Variants in ARL11 observed in about 807,000 individuals in gnomAD.
The protein encoded by ARL11 is ARF like GTPase 11, also known as ADP-ribosylation factor-like protein 11.
For missense variants in ARL11, 239 were observed against 250.6 expected (o/e 0.95, Z 0.31); for synonymous variants, 91 against 111.2 (o/e 0.82, Z 1.15).
At chr13:49,629,991 T>A (rs779422465) in intron 1 of ARL11, 19 of 156,780 alleles carry the variant, frequency 1.2e-4, no homozygotes, top group Non-Finnish European at 1.1e-4. Context: ...ACCAGCTCTG[T>A]CTGACTGGAA....
In ARL11 at chr13:49,628,631, T is replaced by C. The variant is rs1038158425; in HGVS notation, c.-19+16T>C. On this transcript the variant is annotated intron_variant, in intron 1 of 1. Transcript: ENST00000282026. ...TAACACAGAGGTAATTTTAACTTTT[T>C]ACTTTTCTACCCTTGGGAGTAGGGA... 6.6e-6 allele frequency: 1 copy of C among 152,290 alleles called. No individual in the cohort carries two copies. Among genetic ancestry groups the C allele is most frequent in the Non-Finnish European group, 1.5e-5 (1 of 68,074 alleles). The allele number at this position is 152,290 out of a possible 1,614,324, so 9.4% of individuals were successfully genotyped here.
Position 49,630,918 on chromosome 13 carries a change from C to T in ARL11, c.471C>T (p.Leu157=), listed in dbSNP as rs1964879024. The change falls in exon 2 of 2, where the codon CTC becomes CTT. Residue 157 remains leucine, a synonymous_variant. Transcript: ENST00000282026. Reference sequence around the variant, plus strand: ...GGGAGCTCCGGGGCTGCAGTGCCCTCACTGGGGAGGGGCTGCCCGAGGCCC... The same window carrying T: ...GGGAGCTCCGGGGCTGCAGTGCCCTTACTGGGGAGGGGCTGCCCGAGGCCC... ...HCWELRGCSA[L]TGEGLPEALQ... is the part of the protein sequence containing the mutation. 1 of 1,599,216 alleles carries T rather than the reference C, an allele frequency of 6.3e-7. No individual in the cohort carries two copies. Among genetic ancestry groups the T allele is most frequent in the Non-Finnish European group, 8.5e-7 (1 of 1,170,588 alleles).
chr13:49,631,648 C>G lies in ARL11; in HGVS notation c.*610C>G, dbSNP rs1052855387. ...TTGAGGCTAGGAGTTCAAGACCAGCCTGGCCAACATGGTGAAACCCCATCT... is the reference window on the plus strand; with the variant it reads ...TTGAGGCTAGGAGTTCAAGACCAGCGTGGCCAACATGGTGAAACCCCATCT... On this transcript the variant is annotated 3_prime_UTR_variant, in exon 2 of 2. Transcript: ENST00000282026. 3 of 166,652 alleles carry G rather than the reference C, an allele frequency of 1.8e-5. No individual in the cohort carries two copies. The highest frequency in any genetic ancestry group is 4.4e-5 in the Non-Finnish European group (3 of 68,132). The allele number at this position is 166,652 out of a possible 1,614,324, so 10.3% of individuals were successfully genotyped here.
intron 1 of ARL11, among the ~76,000 whole-genome samples, chr13:49,629,212 G>C (rs1964854915): frequency 6.6e-6 from 1 of 152,060 alleles, no homozygotes; most frequent in African/African-American, 2.4e-5. Context: ...GCAGTGAGCT[G>C]TGATCATGCC....
rs1306124113 is a variant in ARL11 at position 49,633,314 on chromosome 13, T to A, written c.*2276T>A. The stretch of plus-strand genomic sequence containing the variant: ...AGCATGAAGGGAGGTGTAAGAAAGA[T>A]AAGTAAGTCAGTGTACTTGCAACAG... On this transcript the variant is annotated 3_prime_UTR_variant, in exon 2 of 2. Transcript: ENST00000282026. The A allele has an allele frequency of 6.0e-6, 1 of 166,582 alleles. No individual in the cohort carries two copies. The highest frequency in any genetic ancestry group is 1.5e-5 in the Non-Finnish European group (1 of 67,914). The allele number at this position is 166,582 out of a possible 1,614,324, so 10.3% of individuals were successfully genotyped here. A position where few individuals can be genotyped will look rare whatever the true frequency, so the allele number is the denominator to read the frequency against.
rs956739520 is a variant in ARL11 at position 49,631,843 on chromosome 13, GAAA to G, written c.*813_*815del. The G allele has an allele frequency of 6.2e-6, 1 of 161,296 alleles. No homozygotes were observed. The highest frequency in any genetic ancestry group is 2.1e-4 in the South Asian group (1 of 4,668). 10.0% of individuals were successfully genotyped at this position (161,296 alleles called of 1,614,324 possible). Reference sequence around the variant, plus strand: ...AAAAGACAGGCTGTGTCTCCAAAAAGAAAAAAAAAAGTCAAATTCAAATATCAT... The same window carrying G: ...AAAAGACAGGCTGTGTCTCCAAAAAGAAAAAAAGTCAAATTCAAATATCAT... On this transcript the variant is annotated 3_prime_UTR_variant, in exon 2 of 2. Coordinates refer to ENST00000282026, the MANE Select transcript of ARL11 (RefSeq NM_138450.6).
intron 1 of ARL11, chr13:49,630,181 C>A: frequency 2.6e-6 from 1 of 381,730 alleles, no homozygotes; most frequent in Non-Finnish European, 4.8e-6. Context: ...GAAGACTTTT[C>A]CTGTTTTGGA....
intron 1 of ARL11, 144 bp downstream of exon 1, chr13:49,628,759 T>C (rs759505993): frequency 6.6e-6 from 1 of 152,212 alleles, no homozygotes; most frequent in African/African-American, 2.4e-5. Flanking sequence ...ATCGTCTAAG[T>C]TGGGAACAGG....
Position 49,630,914 on chromosome 13 carries a change from C to T in ARL11, c.467C>T (p.Ala156Val), listed in dbSNP as rs778216279. 9 of 1,597,642 alleles carry T rather than the reference C, an allele frequency of 5.6e-6. No individual in the cohort carries two copies. Among genetic ancestry groups the T allele is most frequent in the East Asian group, 4.5e-5 (2 of 44,518 alleles). ...DHCWELRGCS[A>V]LTGEGLPEAL... ...TGCTGGGAGCTCCGGGGCTGCAGTG[C>T]CCTCACTGGGGAGGGGCTGCCCGAG... The change falls in exon 2 of 2, where the codon GCC (alanine) becomes GTC (valine). Residue 156 changes from alanine (A) to valine (V), a missense_variant. By Grantham distance (64) the Ala-to-Val change is moderately conservative. Coordinates refer to ENST00000282026, the MANE Select transcript of ARL11 (RefSeq NM_138450.6).
intron 1 of ARL11, among the ~76,000 whole-genome samples, chr13:49,628,981 G>A (rs1594390793): frequency 6.6e-6 from 1 of 152,142 alleles, no homozygotes; most frequent in Non-Finnish European, 1.5e-5. Flanking sequence ...CCAGGTACTC[G>A]GGAGGCTGAG....
In ARL11 at chr13:49,630,575, C is replaced by T; in HGVS notation, c.128C>T (p.Thr43Ile). ...KGHQLVETLP[T>I]VGFNVEPLKA... ...CACCAGCTGGTGGAGACCCTGCCCA[C>T]TGTTGGTTTCAACGTGGAGCCTCTG... The change falls in exon 2 of 2, where the codon ACT becomes ATT. Residue 43 changes from threonine (T) to isoleucine (I), a missense_variant. Thr to Ile is a moderately conservative substitution (Grantham distance 89). Transcript: ENST00000282026. The T allele has an allele frequency of 6.2e-7, 1 of 1,614,124 alleles. No individual in the cohort carries two copies. Among genetic ancestry groups the T allele is most frequent in the Non-Finnish European group, 8.5e-7 (1 of 1,180,046 alleles).
At chr13:49,628,992 G>A (rs1232435087) in intron 1 of ARL11, among the ~76,000 whole-genome samples, 1 of 152,212 alleles carries the variant, frequency 6.6e-6, no homozygotes, top group East Asian at 1.9e-4. Flanking sequence ...GGAGGCTGAG[G>A]CAGGAGAATC....
Position 49,631,044 on chromosome 13 carries a change from A to G in ARL11, c.*6A>G. The G allele has an allele frequency of 1.3e-6, 2 of 1,548,896 alleles. No individual in the cohort carries two copies. Among genetic ancestry groups the G allele is most frequent in the Admixed American group, 2.0e-5 (1 of 50,482 alleles). ...GAGACAGCAAGAGATCTTGATCCAG[A>G]CAGAGCAGCATATCTTTGCTCATAC... On this transcript the variant is annotated 3_prime_UTR_variant, in exon 2 of 2. Coordinates refer to ENST00000282026, the MANE Select transcript of ARL11 (RefSeq NM_138450.6).
At chr13:49,630,167 C>A (rs1964866365) in intron 1 of ARL11, 2 of 350,492 alleles carry the variant, frequency 5.7e-6, no homozygotes, top group Non-Finnish European at 1.1e-5. Context: ...AAATCTGACC[C>A]TGTGAAGACT....
rs1015721292 is a variant in ARL11 at position 49,632,856 on chromosome 13, G to T, written c.*1818G>T. 2 of 167,014 alleles carry T rather than the reference G, an allele frequency of 1.2e-5. No individual in the cohort carries two copies. The highest frequency in any genetic ancestry group is 4.8e-5 in the African/African-American group (2 of 41,434). The allele number at this position is 167,014 out of a possible 1,614,324, so 10.3% of individuals were successfully genotyped here. ...TTCAAGACGCTGTGTTAGACACTAG[G>T]GATGCAAAGATGAATGAGATAAGGC... On this transcript the variant is annotated 3_prime_UTR_variant, in exon 2 of 2. Transcript: ENST00000282026.
At position 49,631,947 on chromosome 13, in the gene ARL11, C is replaced by T. The variant is rs1566302619; in HGVS notation, c.*909C>T. 6.0e-6 allele frequency: 1 copy of T among 167,022 alleles called. No homozygotes were observed. The highest frequency in any genetic ancestry group is 1.5e-5 in the Non-Finnish European group (1 of 68,122). 10.3% of individuals were successfully genotyped at this position (167,022 alleles called of 1,614,324 possible). ...GGCCCCTGGGGATGTGCCACTGTCA[C>T]TCAGAAGGGCAAGCTAGGCAGGGCC... On this transcript the variant is annotated 3_prime_UTR_variant, in exon 2 of 2. Coordinates refer to ENST00000282026, the MANE Select transcript of ARL11 (RefSeq NM_138450.6).
chr13:49,631,084 A>T lies in ARL11; in HGVS notation c.*46A>T. 7.5e-6 allele frequency: 11 copies of T among 1,465,058 alleles called. No homozygotes were observed. The highest frequency in any genetic ancestry group is 1.0e-5 in the Non-Finnish European group (11 of 1,092,438). 90.8% of individuals were successfully genotyped at this position (1,465,058 alleles called of 1,614,324 possible). A position where few individuals can be genotyped will look rare whatever the true frequency, so the allele number is the denominator to read the frequency against. Reference sequence around the variant, plus strand: ...TTTGCTCATACAAACTAGAAGAACCAGCTGATCCTTGAGAAATTTACGCTT... The same window carrying T: ...TTTGCTCATACAAACTAGAAGAACCTGCTGATCCTTGAGAAATTTACGCTT... On this transcript the variant is annotated 3_prime_UTR_variant, in exon 2 of 2. Transcript: ENST00000282026.
rs953504839 is a variant in ARL11 at position 49,631,547 on chromosome 13, TC to T, written c.*510del. The stretch of plus-strand genomic sequence containing the variant: ...TGCATAATAATAGAGACCTAAATTC[TC>T]AAATAGGGAAAGAGGTTTTAAAATC... On this transcript the variant is annotated 3_prime_UTR_variant, in exon 2 of 2. Transcript: ENST00000282026. The T allele has an allele frequency of 1.2e-5, 2 of 166,942 alleles. No individual in the cohort carries two copies. Among genetic ancestry groups the T allele is most frequent in the African/African-American group, 4.8e-5 (2 of 41,386 alleles). The allele number at this position is 166,942 out of a possible 1,614,324, so 10.3% of individuals were successfully genotyped here.
At position 49,630,444 on chromosome 13, in the gene ARL11, C is replaced by G; in HGVS notation, c.-4C>G. 6.2e-7 allele frequency: 1 copy of G among 1,603,810 alleles called. No individual in the cohort carries two copies. Among genetic ancestry groups the G allele is most frequent in the Non-Finnish European group, 8.5e-7 (1 of 1,173,154 alleles). On this transcript the variant is annotated 5_prime_UTR_variant, in exon 2 of 2. Coordinates refer to ENST00000282026, the MANE Select transcript of ARL11 (RefSeq NM_138450.6). ...TTCTCCCCTAGGATTCAGCAGTGGC[C>G]ACCATGGGTTCTGTGAATTCCAGAG...
Sources: allele counts gnomAD v4.1 joint callset (sites outside exome capture counted in the v4.1 genomes callset), GRCh38; gene constraint gnomAD v4.1.1; transcripts MANE v1.5; gene names NCBI Gene and HGNC (gene_info 2026-07-23, HGNC 2026-07-21).